The following CDH2 variants were observed in gnomAD, a reference collection of about 807,000 sequenced individuals.
CDH2 encodes cadherin 2.
A neutral mutation model predicts 92.0 loss-of-function variants in CDH2; 17 were observed. The ratio of observed to expected loss-of-function variants is 0.18; its 90% CI spans 0.13 to 0.28. CDH2 has a LOEUF of 0.28. Among genes scored for constraint, CDH2 ranks in the 10% least tolerant of loss-of-function variants. The probability of loss-of-function intolerance (pLI) is 1.00; values close to 1 mark genes in which losing one functional copy is unlikely to be tolerated. For missense variants in CDH2, 862 were observed against 1,133.1 expected, an observed-to-expected ratio of 0.76 and a Z score of 3.44; for synonymous variants, 419 against 415.9, an observed-to-expected ratio of 1.01 and a Z score of -0.09.
intron 2 of CDH2, among the ~76,000 whole-genome samples, chr18:28,140,725 A>G (rs1213742687): frequency 2.6e-5 from 4 of 151,660 alleles, no homozygotes; most frequent in African/African-American, 4.8e-5. Flanking sequence ...GTAGTTCAAA[A>G]AGACTAAAAC....
Position 27,988,655 on chromosome 18 carries a change from A to G in CDH2, c.1610T>C (p.Leu537Ser). The G allele has an allele frequency of 6.3e-7, 1 of 1,597,726 alleles. No individual in the cohort carries two copies. The highest frequency in any genetic ancestry group is 8.6e-7 in the Non-Finnish European group (1 of 1,167,378). Reference protein sequence around the residue: ...YMQQNIRYTKLSDPANWLKID... With the variant: ...YMQQNIRYTKSSDPANWLKID... ...TTTTAGCCAATTGGCAGGATCAGAT[A>G]ATTTAGTGTATCTACAAAATGAAAG... The change falls in exon 11 of 16, where the codon TTA becomes TCA. Residue 537 changes from leucine to serine, a missense_variant. By Grantham distance (145) the Leu-to-Ser change is moderately radical. Around this residue, in one of 5 missense-constraint regions of CDH2, gnomAD observed 564 missense variants for 722.2 expected, o/e 0.78. Transcript: ENST00000269141.
Position 27,989,104 on chromosome 18 carries a change from A to G in CDH2, c.1599-438T>C, listed in dbSNP as rs117654451. 1.1e-3 allele frequency among the ~76,000 whole-genome samples: 168 copies of G among 152,354 alleles called. 1 individual carries two copies. Among genetic ancestry groups the G allele is most frequent in the Admixed American group, 2.2e-3 (33 of 15,306 alleles). The stretch of plus-strand genomic sequence containing the variant: ...TCACAGAACACTCCTAAAACATTTT[A>G]ACACTTTATCATGGCCAACATGAAG... On this transcript the variant is annotated intron_variant, in intron 10 of 15. Transcript: ENST00000269141.
intron 1 of CDH2, among the ~76,000 whole-genome samples, chr18:28,168,296 T>C (rs1285081907): frequency 6.6e-6 from 1 of 152,128 alleles, no homozygotes; most frequent in African/African-American, 2.4e-5. Flanking sequence ...CTACAGAATA[T>C]TCACCGGAAC....
chr18:27,976,440 C>T (rs1374849150), intron 14 of CDH2, among the ~76,000 whole-genome samples: 4 of 152,166 alleles, frequency 2.6e-5, no homozygotes, highest in Non-Finnish European at 4.4e-5. Context: ...TCCAGTTCTG[C>T]TTCAAGGATG....
At chr18:28,058,503 A>G (rs149260951) in intron 2 of CDH2, among the ~76,000 whole-genome samples, 1 of 152,346 alleles carries the variant, frequency 6.6e-6, no homozygotes, top group African/African-American at 2.4e-5. Flanking sequence ...TGATTAGGGA[A>G]AAGTTTCCCT....
rs141456206 is a variant in CDH2 at position 28,011,873 on chromosome 18, C to T, written c.519G>A (p.Arg173=). The T allele has an allele frequency of 5.3e-5, 86 of 1,613,930 alleles. No homozygotes were observed. The African/African-American group carries it at 9.7e-4, about 18-fold the overall frequency. ...IPPINLPENS[R]GPFPQELVRI... Reference sequence around the variant, plus strand: ...TGACAAGCTCTTGAGGAAAAGGTCCCCTGGAGTTTTCTGGCAAGTTGATTG... The same window carrying T: ...TGACAAGCTCTTGAGGAAAAGGTCCTCTGGAGTTTTCTGGCAAGTTGATTG... Residue 173 remains arginine, a synonymous_variant, in exon 4 of 16, where the codon AGG becomes AGA. Coordinates refer to ENST00000269141, the MANE Select transcript of CDH2 (RefSeq NM_001792.5).
chr18:28,061,056 T>C (rs2014393339), intron 2 of CDH2, among the ~76,000 whole-genome samples: 1 of 152,212 alleles, frequency 6.6e-6, no homozygotes, highest in Non-Finnish European at 1.5e-5. Flanking sequence ...TTGCCTTTTT[T>C]TGAACTTCAA....
chr18:28,145,178 C>T (rs2016016307), intron 2 of CDH2, among the ~76,000 whole-genome samples: 1 of 152,018 alleles, frequency 6.6e-6, no homozygotes, highest in African/African-American at 2.4e-5. Flanking sequence ...GTATATTGTA[C>T]ATACTGGTGA....
intron 1 of CDH2, among the ~76,000 whole-genome samples, chr18:28,164,335 T>C (rs890653066): frequency 6.6e-6 from 1 of 152,152 alleles, no homozygotes; most frequent in Admixed American, 6.5e-5. Flanking sequence ...TTGGGTATAT[T>C]TGGGGAGGAA....
intron 2 of CDH2, among the ~76,000 whole-genome samples, chr18:28,126,372 T>A (rs1464894526): frequency 1.3e-5 from 2 of 152,280 alleles, no homozygotes; most frequent in East Asian, 3.9e-4. Flanking sequence ...AAAGATGGCA[T>A]ATGGCCTTTG....
intron 2 of CDH2, among the ~76,000 whole-genome samples, chr18:28,104,361 G>A (rs1358136123): frequency 6.6e-6 from 1 of 152,052 alleles, no homozygotes; most frequent in Non-Finnish European, 1.5e-5. Context: ...CAGGAAAATG[G>A]AGATTGTTGT....
chr18:27,955,761 G>GTTTTTTTTTCTTTTTTTTTTTTTTTT (rs2011230090), intron 15 of CDH2, among the ~76,000 whole-genome samples: 1 of 111,716 alleles, frequency 9.0e-6, no homozygotes, highest in Non-Finnish European at 1.8e-5. Flanking sequence ...CTTTATTTCT[G>GTTTTTTTTTCTTTTTTTTTTTTTTTT]TTTTTTTTTT....
At chr18:28,025,681 AC>A (rs1417830467) in intron 2 of CDH2, among the ~76,000 whole-genome samples, 1 of 151,718 alleles carries the variant, frequency 6.6e-6, no homozygotes, top group Admixed American at 6.6e-5. Context: ...ATGTACATGT[AC>A]TACAGTGATC....
At chr18:27,933,133 A>C (rs918812744) in intron 6 of CDH2, among the ~76,000 whole-genome samples, 1 of 152,106 alleles carries the variant, frequency 6.6e-6, no homozygotes, top group Non-Finnish European at 1.5e-5. Context: ...TTCTGTAGAA[A>C]AAAAATGAAA....
At chr18:28,149,442 T>C (rs1260581774) in intron 1 of CDH2, among the ~76,000 whole-genome samples, 4 of 152,218 alleles carry the variant, frequency 2.6e-5, no homozygotes, top group Non-Finnish European at 5.9e-5. Context: ...GATTAAGATA[T>C]AAATTTAATT....
chr18:28,021,714 A>G (rs563546959), intron 2 of CDH2, among the ~76,000 whole-genome samples: 1 of 152,094 alleles, frequency 6.6e-6, no homozygotes, highest in South Asian at 2.1e-4. Flanking sequence ...TATATATTAA[A>G]TGTATTAGCA....
intron 2 of CDH2, among the ~76,000 whole-genome samples, chr18:28,083,646 A>C (rs2014872304): frequency 6.6e-6 from 1 of 152,146 alleles, no homozygotes; most frequent in Non-Finnish European, 1.5e-5. Context: ...GATTTAGTAC[A>C]CTAGTTCCCT....
intron 2 of CDH2, among the ~76,000 whole-genome samples, chr18:28,024,016 G>T (rs2013482018): frequency 6.6e-6 from 1 of 152,062 alleles, no homozygotes; most frequent in African/African-American, 2.4e-5. Context: ...GTAAAAGATG[G>T]CTTTTAAAAC....
intron 2 of CDH2, among the ~76,000 whole-genome samples, chr18:28,114,231 T>C (rs2015458276): frequency 6.6e-6 from 1 of 152,164 alleles, no homozygotes; most frequent in African/African-American, 2.4e-5. Context: ...GACAAATGTT[T>C]GTGCGTGCTA....
Sources: allele counts gnomAD v4.1 joint callset (sites outside exome capture counted in the v4.1 genomes callset), GRCh38; gene constraint gnomAD v4.1.1; regional missense constraint gnomAD v4.1.1; transcripts MANE v1.5; gene names NCBI Gene and HGNC (gene_info 2026-07-23, HGNC 2026-07-21).